TFDP2: variants seen among roughly 807,000 people sequenced by gnomAD.
TFDP2 encodes transcription factor Dp-2.
Under a neutral mutation model 59.3 loss-of-function variants are expected in TFDP2, and 17 were observed. That is an observed-to-expected ratio of 0.29 (90% CI 0.20 to 0.43). TFDP2 has a LOEUF of 0.43. Among genes scored for constraint, TFDP2 ranks in the 20% least tolerant of loss-of-function variants. TFDP2 has a pLI of 1.00. For missense variants in TFDP2, 391 were observed against 528.8 expected (o/e 0.74, Z 2.56); for synonymous variants, 180 against 194.7 (o/e 0.92, Z 0.63).
intron 1 of TFDP2, among the ~76,000 whole-genome samples, chr3:142,125,936 TTTG>T (rs2062226052): frequency 6.6e-6 from 1 of 152,160 alleles, no homozygotes; most frequent in African/African-American, 2.4e-5. Flanking sequence ...AGAAACAATA[TTTG>T]TTTTCTTAAT....
At chr3:142,010,608 CAAAAA>C (rs34003711) in intron 3 of TFDP2, among the ~76,000 whole-genome samples, 3 of 57,108 alleles carry the variant, frequency 5.3e-5, no homozygotes, top group African/African-American at 2.2e-4. Flanking sequence ...GACTCTGTCT[CAAAAA>C]AAAAAAAAAA....
rs1935409723 is a variant in TFDP2 at position 141,947,753 on chromosome 3, G to A, written c.*4760C>T. ...GAAGGCTTGAAACTGGAACAGTGGG[G>A]CCTCTGGAACTTAGGAGAGATTCCA... is the stretch of plus-strand genomic sequence containing the variant. On this transcript the variant is annotated 3_prime_UTR_variant, in exon 13 of 13. Coordinates refer to ENST00000489671, the MANE Select transcript of TFDP2 (RefSeq NM_001178139.2). 6.6e-6 allele frequency: 1 copy of A among 152,206 alleles called. No homozygotes were observed. Among genetic ancestry groups the A allele is most frequent in the South Asian group, 2.1e-4 (1 of 4,832 alleles). The allele number at this position is 152,206 out of a possible 1,614,324, so 9.4% of individuals were successfully genotyped here. A position where few individuals can be genotyped will look rare whatever the true frequency, so the allele number is the denominator to read the frequency against.
chr3:142,041,636 T>C (rs55644127), intron 3 of TFDP2, among the ~76,000 whole-genome samples: 8,647 of 152,342 alleles, frequency 0.057, 304 homozygotes, highest in Middle Eastern at 0.11. Context: ...TATTTCTTCA[T>C]AGCAGTATGA....
intron 1 of TFDP2, among the ~76,000 whole-genome samples, chr3:142,106,309 T>C (rs891661527): frequency 6.6e-6 from 1 of 152,226 alleles, no homozygotes; most frequent in Non-Finnish European, 1.5e-5. Context: ...TACATTAAGA[T>C]AGACATTGTA....
chr3:142,146,053 A>G (rs1032025949), intron 1 of TFDP2, among the ~76,000 whole-genome samples: 7 of 152,234 alleles, frequency 4.6e-5, no homozygotes, highest in Admixed American at 6.5e-5. Context: ...AGCCCTGCCT[A>G]GACAGCATTT....
chr3:142,077,353 G>T (rs1230097014), intron 3 of TFDP2, among the ~76,000 whole-genome samples: 1 of 152,144 alleles, frequency 6.6e-6, no homozygotes, highest in Non-Finnish European at 1.5e-5. Flanking sequence ...AACAGGGGTG[G>T]CTAAGGGAGT....
intron 3 of TFDP2, among the ~76,000 whole-genome samples, chr3:142,035,854 C>T (rs1291351400): frequency 6.6e-6 from 1 of 152,196 alleles, no homozygotes; most frequent in Non-Finnish European, 1.5e-5. Flanking sequence ...GAGGCTTCCC[C>T]AGCCACATGG....
intron 3 of TFDP2, among the ~76,000 whole-genome samples, chr3:142,018,457 G>GTTTTTTAT (rs903492582): frequency 4.6e-5 from 7 of 151,960 alleles, no homozygotes; most frequent in Non-Finnish European, 7.4e-5. Flanking sequence ...TTAATCTACT[G>GTTTTTTAT]TTTTTTATTT....
At chr3:142,125,002 T>G (rs963297945) in intron 1 of TFDP2, among the ~76,000 whole-genome samples, 8 of 151,908 alleles carry the variant, frequency 5.3e-5, no homozygotes, top group Admixed American at 5.3e-4. Flanking sequence ...TTGAGACCAG[T>G]GTGGACAACA....
chr3:142,053,391 G>C (rs1189198486), intron 3 of TFDP2, among the ~76,000 whole-genome samples: 1 of 152,046 alleles, frequency 6.6e-6, no homozygotes, highest in Non-Finnish European at 1.5e-5. Flanking sequence ...CTCTTGCCAC[G>C]TGACTTGCTG....
chr3:142,107,563 T>C (rs1174627912), intron 1 of TFDP2, among the ~76,000 whole-genome samples: 2 of 152,148 alleles, frequency 1.3e-5, no homozygotes, highest in Non-Finnish European at 2.9e-5. Flanking sequence ...AGGGATAATA[T>C]GTAACTTTTT....
intron 3 of TFDP2, among the ~76,000 whole-genome samples, chr3:142,070,938 G>T (rs989048371): frequency 1.3e-5 from 2 of 152,148 alleles, no homozygotes; most frequent in Non-Finnish European, 2.9e-5. Flanking sequence ...TTAGATGCAA[G>T]GGATGAACAG....
At chr3:142,037,366 T>C (rs1348311520) in intron 3 of TFDP2, among the ~76,000 whole-genome samples, 1 of 152,076 alleles carries the variant, frequency 6.6e-6, no homozygotes, top group Admixed American at 6.6e-5. Context: ...TGAAAAAAAC[T>C]AGTGGGCATT....
intron 11 of TFDP2, among the ~76,000 whole-genome samples, chr3:141,957,359 CACTGGTTGGACTGTAAATGGT>C (rs1055383088): frequency 1.3e-5 from 2 of 152,026 alleles, no homozygotes; most frequent in Non-Finnish European, 2.9e-5. Context: ...AACACTTATC[CACTGGTTGGACTGTAAATGGT>C]ACAGGAGCTT....
At chr3:142,070,366 C>T (rs1325378762) in intron 3 of TFDP2, among the ~76,000 whole-genome samples, 2 of 151,578 alleles carry the variant, frequency 1.3e-5, no homozygotes, top group African/African-American at 4.8e-5. Context: ...GCAGCCTAAA[C>T]CCCTGGGCTC....
intron 3 of TFDP2, among the ~76,000 whole-genome samples, chr3:142,011,630 A>AG (rs1193462485): frequency 6.7e-6 from 1 of 148,588 alleles, no homozygotes; most frequent in East Asian, 1.9e-4. Flanking sequence ...GAGGAAAACA[A>AG]GGAAAAAAAA....
chr3:142,145,998 A>G (rs1368999084), intron 1 of TFDP2, among the ~76,000 whole-genome samples: 1 of 152,210 alleles, frequency 6.6e-6, no homozygotes, highest in Non-Finnish European at 1.5e-5. Flanking sequence ...AAAATTTTTT[A>G]TCACCTTTAA....
chr3:142,013,498 C>T (rs2108309779), intron 3 of TFDP2, among the ~76,000 whole-genome samples: 1 of 152,276 alleles, frequency 6.6e-6, no homozygotes, highest in African/African-American at 2.4e-5. Flanking sequence ...ATTCATAGCT[C>T]CTTGGCAATA....
chr3:142,087,976 T>C (rs1375579405), intron 3 of TFDP2, among the ~76,000 whole-genome samples: 1 of 152,222 alleles, frequency 6.6e-6, no homozygotes, highest in Admixed American at 6.5e-5. Flanking sequence ...ATCTCCTTGC[T>C]GTTGTATCCT....
Sources: gnomAD v4.1 joint callset for allele counts (sites outside exome capture counted in the v4.1 genomes callset) on GRCh38, gnomAD v4.1.1 for gene constraint, MANE v1.5 for transcripts, NCBI Gene and HGNC (gene_info 2026-07-23, HGNC 2026-07-21) for gene names.